Variants in COPG2 observed in about 807,000 individuals in gnomAD.
COPG2 encodes the protein coatomer subunit gamma-2.
COPG2 carries 37 observed loss-of-function variants against 46.3 expected under a neutral mutation model. The ratio of observed to expected loss-of-function variants is 0.80; its 90% confidence interval spans 0.61 to 1.05. The LOEUF (loss-of-function observed/expected upper bound fraction) is 1.05. Ranked by LOEUF, COPG2 falls within the 50% of genes least tolerant of loss-of-function variation. The pLI is 0.00. For synonymous variants in COPG2, 159 were observed against 129.7 expected, an observed-to-expected ratio of 1.23 and a Z score of -1.53; for missense variants, 427 against 387.8, an observed-to-expected ratio of 1.10 and a Z score of -0.85.
At chr7:130,572,140 G>T (rs913784448) in intron 9 of COPG2, among the ~76,000 whole-genome samples, 13 of 152,128 alleles carry the variant, frequency 8.5e-5, no homozygotes, top group African/African-American at 3.1e-4. Flanking sequence ...ATTGGGTATA[G>T]TGTACACTAC....
chr7:130,582,349 A>C (rs1406291674), intron 9 of COPG2, among the ~76,000 whole-genome samples: 1 of 147,898 alleles, frequency 6.8e-6, no homozygotes. Flanking sequence ...AATCAATTCA[A>C]GATGGATTAA....
chr7:130,520,495 A>G (rs1799715315), intron 20 of COPG2, among the ~76,000 whole-genome samples: 1 of 152,238 alleles, frequency 6.6e-6, no homozygotes, highest in East Asian at 1.9e-4. Context: ...ACTTGTTAAT[A>G]TGAAAAGATT....
At chr7:130,511,929 G>A (rs1435394864) in intron 20 of COPG2, 2 of 481,210 alleles carry the variant, frequency 4.2e-6, no homozygotes, top group Non-Finnish European at 8.3e-6. Flanking sequence ...AAAAGCTATA[G>A]ATGGGCCGGG....
At chr7:130,569,449 A>C (rs998512049) in intron 9 of COPG2, among the ~76,000 whole-genome samples, 3 of 152,124 alleles carry the variant, frequency 2.0e-5, no homozygotes, top group African/African-American at 7.2e-5. Flanking sequence ...ACAAACCAGA[A>C]AATCTAGAGG....
intron 9 of COPG2, among the ~76,000 whole-genome samples, chr7:130,583,493 TAA>T (rs782593413): frequency 5.3e-3 from 181 of 34,384 alleles, no homozygotes; most frequent in East Asian, 0.015. Context: ...ACATAAAGTA[TAA>T]AAAAAAAAAA....
chr7:130,521,539 A>T (rs1422078507), intron 20 of COPG2, among the ~76,000 whole-genome samples: 3 of 152,242 alleles, frequency 2.0e-5, no homozygotes, highest in Non-Finnish European at 4.4e-5. Flanking sequence ...AGGCAGAAAA[A>T]GAAAAACAAC....
intron 14 of COPG2, among the ~76,000 whole-genome samples, chr7:130,552,654 A>C (rs1251649574): frequency 6.6e-6 from 1 of 152,182 alleles, no homozygotes; most frequent in Non-Finnish European, 1.5e-5. Context: ...AAATTGAGGA[A>C]AAAGATTCAT....
At chr7:130,557,817 C>CAAAAAAA (rs1382087826) in intron 12 of COPG2, among the ~76,000 whole-genome samples, 4,469 of 12,186 alleles carry the variant, frequency 0.37, 1,983 homozygotes, top group Middle Eastern at 1. Context: ...AACTCCATCT[C>CAAAAAAA]AAAAAAAAAA....
chr7:130,536,572 C>T lies in COPG2; in HGVS notation c.2149+11102G>A, dbSNP rs1002624475. 1.4e-4 allele frequency among the ~76,000 whole-genome samples: 22 copies of T among 152,304 alleles called. No homozygotes were observed. The East Asian group carries it at 2.9e-3, about 20-fold the overall frequency. ...AGGCTTCCTCGGGGTCCTGCATCCT[C>T]GGGTGAGAATCACTGGTGGACGCGG... On this transcript the variant is annotated intron_variant, in intron 20 of 23. Coordinates refer to ENST00000425248, the MANE Select transcript of COPG2 (RefSeq NM_012133.6).
Position 130,560,563 on chromosome 7 carries a change from G to A in COPG2, c.1128+470C>T, listed in dbSNP as rs1793702352. ...GTTGGAAGACCGCACTACTTAAGAG[G>A]TACCATAATGCTACATTAATCAATA... On this transcript the variant is annotated intron_variant, in intron 12 of 23. Coordinates refer to ENST00000425248, the MANE Select transcript of COPG2 (RefSeq NM_012133.6). Among the ~76,000 whole-genome samples the A allele has an allele frequency of 2.0e-5, 3 of 152,262 alleles. No homozygotes were observed. The South Asian group carries it at 6.2e-4, about 32-fold the overall frequency.
intron 20 of COPG2, chr7:130,511,911 T>C: frequency 2.0e-6 from 1 of 505,406 alleles, no homozygotes; most frequent in Non-Finnish European, 4.0e-6. Flanking sequence ...AACTGATGAA[T>C]GCTGATAAAA....
intron 12 of COPG2, among the ~76,000 whole-genome samples, chr7:130,557,665 G>A (rs1793649179): frequency 6.6e-6 from 1 of 151,722 alleles, no homozygotes; most frequent in African/African-American, 2.4e-5. Context: ...AAAATTAGCT[G>A]GGCATGGTGG....
chr7:130,625,313 C>T (rs574009837), intron 5 of COPG2, among the ~76,000 whole-genome samples: 1 of 152,170 alleles, frequency 6.6e-6, no homozygotes, highest in East Asian at 1.9e-4. Flanking sequence ...ATCTGGGGTT[C>T]CTAGGTATTC....
chr7:130,605,584 A>G, intron 9 of COPG2: 1 of 399,218 alleles, frequency 2.5e-6, no homozygotes, highest in South Asian at 1.9e-5. Context: ...AGAGGCCTTT[A>G]GTTGCTCATT....
intron 9 of COPG2, among the ~76,000 whole-genome samples, chr7:130,572,970 A>C (rs1307812089): frequency 9.9e-5 from 15 of 152,046 alleles, no homozygotes; most frequent in African/African-American, 3.6e-4. Flanking sequence ...TAAACTAACC[A>C]AGAAAAAAAG....
At chr7:130,522,602 C>T (rs1184622287) in intron 20 of COPG2, among the ~76,000 whole-genome samples, 1 of 151,228 alleles carries the variant, frequency 6.6e-6, no homozygotes, top group Non-Finnish European at 1.5e-5. Flanking sequence ...AGTAGAGAAA[C>T]GAGGCATGGG....
At chr7:130,654,627 G>A (rs920290343) in intron 4 of COPG2, among the ~76,000 whole-genome samples, 1 of 152,008 alleles carries the variant, frequency 6.6e-6, no homozygotes, top group Admixed American at 6.5e-5. Context: ...TAAGACTCTC[G>A]AATTTCCCAT....
chr7:130,665,786 A>G (rs1250608790), intron 3 of COPG2, among the ~76,000 whole-genome samples: 1 of 151,652 alleles, frequency 6.6e-6, no homozygotes, highest in Non-Finnish European at 1.5e-5. Flanking sequence ...AAACAAAATC[A>G]TATTTTCTAA....
At chr7:130,562,314 G>T (rs894554170) in intron 11 of COPG2, among the ~76,000 whole-genome samples, 12 of 152,130 alleles carry the variant, frequency 7.9e-5, no homozygotes, top group African/African-American at 2.9e-4. Flanking sequence ...TGCCAAGATC[G>T]TGCCACTGCA....
Sources: gnomAD v4.1 joint callset for allele counts (sites outside exome capture counted in the v4.1 genomes callset) on GRCh38, gnomAD v4.1.1 for gene constraint, MANE v1.5 for transcripts, NCBI Gene and HGNC (gene_info 2026-07-23, HGNC 2026-07-21) for gene names.